Variants in RP1 observed in about 807,000 individuals in gnomAD.
RP1 encodes RP1 axonemal microtubule associated, also known as oxygen-regulated protein 1.
In RP1, 16 loss-of-function variants were observed where a neutral mutation model predicts 14.8. The observed-to-expected ratio is 1.08, with a 90% CI of 0.73 to 1.65. The LOEUF (loss-of-function observed/expected upper bound fraction) is 1.65, where lower values mean the gene tolerates loss of function less well. Among genes scored for constraint, RP1 ranks in the 40% most tolerant of loss-of-function variants. RP1 has a pLI of 0.00. For synonymous variants in RP1, 876 were observed against 883.6 expected (o/e 0.99, Z 0.15); for missense variants, 2,631 against 2,535.0 (o/e 1.04, Z -0.81).
chr8:54,826,345 A>G (rs954467032), intron 24 of RP1, among the ~76,000 whole-genome samples: 14 of 152,160 alleles, frequency 9.2e-5, no homozygotes, highest in Admixed American at 9.2e-4. Flanking sequence ...CTGCATTATC[A>G]TTGCCACCTC....
At chr8:54,687,852 G>A (rs537125629) in intron 12 of RP1, among the ~76,000 whole-genome samples, 1 of 152,274 alleles carries the variant, frequency 6.6e-6, no homozygotes, top group Non-Finnish European at 1.5e-5. Flanking sequence ...GGGTCAAATG[G>A]TATTTCTGGT....
chr8:54,602,597 C>A (rs1805319159), intron 1 of RP1, among the ~76,000 whole-genome samples: 1 of 152,174 alleles, frequency 6.6e-6, no homozygotes, highest in South Asian at 2.1e-4. Flanking sequence ...TTCTAGATCC[C>A]TGAGGAATCA....
intron 12 of RP1, among the ~76,000 whole-genome samples, chr8:54,680,586 C>T (rs531149776): frequency 1.3e-5 from 2 of 152,318 alleles, no homozygotes; most frequent in Admixed American, 6.5e-5. Flanking sequence ...AGCTACTAAC[C>T]TACCGCATGT....
At chr8:54,737,447 A>T (rs1481687047) in intron 18 of RP1, among the ~76,000 whole-genome samples, 1 of 152,182 alleles carries the variant, frequency 6.6e-6, no homozygotes, top group African/African-American at 2.4e-5. Flanking sequence ...GTGCTAATAG[A>T]TTCTTGGGAC....
At chr8:54,810,951 A>C (rs1454530854) in intron 24 of RP1, among the ~76,000 whole-genome samples, 1 of 152,248 alleles carries the variant, frequency 6.6e-6, no homozygotes, top group Non-Finnish European at 1.5e-5. Context: ...GGAAACACAC[A>C]TACAGAGGGC....
downstream of RP1, among the ~76,000 whole-genome samples, chr8:54,771,190 C>G (rs1299022730): frequency 4.6e-5 from 7 of 152,014 alleles, no homozygotes; most frequent in African/African-American, 1.4e-4. Context: ...GTGTCACACT[C>G]TTAGGATGGT....
In RP1 at chr8:54,628,424, T is replaced by C; in HGVS notation, c.4542T>C (p.Ile1514=). ...LELIDISSKN[I]MEEKRMNGII... The stretch of plus-strand genomic sequence containing the variant: ...TGATAGACATCTCTAGTAAGAATAT[T>C]ATGGAAGAAAAAAGAATGAACGGTA... Residue 1514 remains isoleucine (I), a synonymous_variant, in exon 4 of 4, where the codon ATT becomes ATC. Coordinates refer to ENST00000220676, the MANE Select transcript of RP1 (RefSeq NM_006269.2). The C allele has an allele frequency of 6.2e-7, 1 of 1,613,266 alleles. No individual in the cohort carries two copies. Among genetic ancestry groups the C allele is most frequent in the Non-Finnish European group, 8.5e-7 (1 of 1,179,606 alleles).
At chr8:54,732,311 C>T (rs775722351) in intron 17 of RP1, among the ~76,000 whole-genome samples, 1 of 152,170 alleles carries the variant, frequency 6.6e-6, no homozygotes, top group Non-Finnish European at 1.5e-5. Context: ...TACACCTGAA[C>T]TTTTCAGTAG....
chr8:54,596,264 G>C (rs552719307), intron 1 of RP1, among the ~76,000 whole-genome samples: 29 of 152,164 alleles, frequency 1.9e-4, no homozygotes, highest in Non-Finnish European at 3.4e-4. Context: ...TGTGATTTTT[G>C]GGGTACACTT....
Position 54,859,947 on chromosome 8 carries a change from A to G in RP1, c.4069+2841A>G, listed in dbSNP as rs561351582. Among the ~76,000 whole-genome samples the G allele has an allele frequency of 2.3e-3, 355 of 152,294 alleles. 2 individuals are homozygous for G. The highest frequency in any genetic ancestry group is 8.4e-3 in the African/African-American group (347 of 41,554). On this transcript the variant is annotated intron_variant, in intron 27 of 28. Transcript: ENST00000637698. ...TTATTCTCAGACTCCTCTTTGTGAC[A>G]TGGGATGGAAACAATGTTAGAACAT...
intron 24 of RP1, among the ~76,000 whole-genome samples, chr8:54,804,000 G>A (rs185673017): frequency 1.9e-3 from 295 of 152,048 alleles, no homozygotes; most frequent in African/African-American, 6.7e-3. Context: ...CCCAGGAGGC[G>A]GAGGTTACAG....
rs780982043 is a variant in RP1 at position 54,630,035 on chromosome 8, A to C, written c.6153A>C (p.Thr2051=). The C allele has an allele frequency of 6.2e-7, 1 of 1,614,070 alleles. No homozygotes were observed. The highest frequency in any genetic ancestry group is 1.1e-5 in the South Asian group (1 of 91,082). ...TTGTGGGTAATGTGGATTCAAATAC[A>C]CAAGACCTCAGCGGTCAGACAAATG... is the stretch of plus-strand genomic sequence containing the variant. ...LLVVGNVDSN[T]QDLSGQTNEI... Residue 2051 remains threonine, a synonymous_variant, in exon 4 of 4, where the codon ACA becomes ACC. Coordinates refer to ENST00000220676, the MANE Select transcript of RP1 (RefSeq NM_006269.2).
intron 23 of RP1, chr8:54,781,160 C>A: frequency 2.2e-6 from 1 of 453,720 alleles, no homozygotes; most frequent in African/African-American, 2.1e-5. Context: ...CCAATTTAAG[C>A]TTGGAAAAGA....
chr8:54,812,014 G>A (rs572342649), intron 24 of RP1, among the ~76,000 whole-genome samples: 1 of 152,298 alleles, frequency 6.6e-6, no homozygotes, highest in Non-Finnish European at 1.5e-5. Flanking sequence ...AGAACAGTTT[G>A]TATCTTCTTC....
intron 1 of RP1, among the ~76,000 whole-genome samples, chr8:54,601,291 A>T (rs1326946384): frequency 6.6e-6 from 1 of 151,960 alleles, no homozygotes; most frequent in Non-Finnish European, 1.5e-5. Context: ...TGGATATGTA[A>T]TTTTTTTTGA....
At chr8:54,781,646 T>G (rs896333299) in intron 23 of RP1, among the ~76,000 whole-genome samples, 1 of 152,332 alleles carries the variant, frequency 6.6e-6, no homozygotes, top group East Asian at 1.9e-4. Context: ...TGTTATTTTC[T>G]ACAAGTGTTC....
At chr8:54,866,028 T>C in intron 28 of RP1, 1 of 420,172 alleles carries the variant, frequency 2.4e-6, no homozygotes, top group Non-Finnish European at 4.1e-6. Flanking sequence ...ATTCCCTCCC[T>C]GAAAACCAGA....
At chr8:54,813,184 C>G (rs1171993184) in intron 24 of RP1, among the ~76,000 whole-genome samples, 4 of 152,214 alleles carry the variant, frequency 2.6e-5, no homozygotes, top group Admixed American at 2.6e-4. Context: ...AGTAGCCAAT[C>G]AAATCAACAT....
At chr8:54,685,235 C>T (rs987007996) in intron 12 of RP1, among the ~76,000 whole-genome samples, 3 of 151,920 alleles carry the variant, frequency 2.0e-5, no homozygotes, top group Admixed American at 6.6e-5. Flanking sequence ...TCTCTAGTTC[C>T]TTTAGTTGTG....
Sources: gnomAD v4.1 joint callset for allele counts (sites outside exome capture counted in the v4.1 genomes callset) on GRCh38, gnomAD v4.1.1 for gene constraint, MANE v1.5 for transcripts, NCBI Gene and HGNC (gene_info 2026-07-23, HGNC 2026-07-21) for gene names.